The following LHFPL3 variants were observed in gnomAD, a reference collection of about 807,000 sequenced individuals.
LHFPL3 encodes the protein LHFPL tetraspan subfamily member 3, also known as LHFPL tetraspan subfamily member 3 protein.
LHFPL3 carries 5 observed loss-of-function variants against 19.3 expected under a neutral mutation model. The observed-to-expected ratio is 0.26, with a 90% CI of 0.14 to 0.54. The LOEUF (loss-of-function observed/expected upper bound fraction) is 0.54. Ranked by LOEUF, LHFPL3 falls within the 20% of genes least tolerant of loss-of-function variation. LHFPL3 has a pLI of 0.94. For synonymous variants in LHFPL3, 133 were observed against 126.2 expected (o/e 1.05, Z -0.36); for missense variants, 249 against 307.4 (o/e 0.81, Z 1.42).
chr7:104,906,294 A>G lies in LHFPL3; in HGVS notation c.*79A>G. ...CGAATAACAGCTTTTGTACATCAAC[A>G]TCAAGAAGGAATACGCCTGAGAGAG... On this transcript the variant is annotated 3_prime_UTR_variant, in exon 3 of 3. Coordinates refer to ENST00000424859, the MANE Select transcript of LHFPL3 (RefSeq NM_199000.3). The G allele has an allele frequency of 6.8e-7, 1 of 1,470,926 alleles. No individual in the cohort carries two copies. The highest frequency in any genetic ancestry group is 9.4e-7 in the Non-Finnish European group (1 of 1,069,012). 91.1% of individuals were successfully genotyped at this position (1,470,926 alleles called of 1,614,324 possible).
chr7:104,753,495 G>C (rs191120940), intron 2 of LHFPL3, among the ~76,000 whole-genome samples: 11 of 152,206 alleles, frequency 7.2e-5, no homozygotes, highest in African/African-American at 2.4e-4. Flanking sequence ...TTCAATATTT[G>C]AGAATAGAGG....
intron 1 of LHFPL3, among the ~76,000 whole-genome samples, chr7:104,478,637 A>G (rs1304954412): frequency 2.0e-5 from 3 of 152,148 alleles, no homozygotes; most frequent in African/African-American, 7.2e-5. Flanking sequence ...TCTTCTTTGA[A>G]TGATACAGTG....
chr7:104,450,715 A>C (rs941713514), intron 1 of LHFPL3, among the ~76,000 whole-genome samples: 2 of 152,212 alleles, frequency 1.3e-5, no homozygotes, highest in Non-Finnish European at 2.9e-5. Context: ...CAGAACTTAA[A>C]GTATAATAAA....
chr7:104,469,237 A>G (rs563192302), intron 1 of LHFPL3, among the ~76,000 whole-genome samples: 53 of 152,360 alleles, frequency 3.5e-4, no homozygotes, highest in African/African-American at 1.3e-3. Flanking sequence ...GAGGTCTAAA[A>G]GCTGACTTTT....
chr7:104,770,087 A>T (rs1794526161), intron 2 of LHFPL3, among the ~76,000 whole-genome samples: 1 of 152,184 alleles, frequency 6.6e-6, no homozygotes, highest in Non-Finnish European at 1.5e-5. Flanking sequence ...TTTAAGGCTC[A>T]GCCAGAAAGC....
intron 1 of LHFPL3, among the ~76,000 whole-genome samples, chr7:104,335,714 A>G (rs1056580523): frequency 6.6e-6 from 1 of 152,218 alleles, no homozygotes; most frequent in African/African-American, 2.4e-5. Context: ...AGAATGTGGT[A>G]TCAGAGGCTT....
intron 2 of LHFPL3, among the ~76,000 whole-genome samples, chr7:104,824,641 T>C (rs1240791379): frequency 1.1e-5 from 1 of 87,468 alleles, no homozygotes; most frequent in Non-Finnish European, 2.0e-5. Context: ...TATTATTTTA[T>C]ATATTATATA....
chr7:104,585,863 T>C (rs535826383), intron 1 of LHFPL3, among the ~76,000 whole-genome samples: 1 of 152,224 alleles, frequency 6.6e-6, no homozygotes, highest in South Asian at 2.1e-4. Context: ...AGGATTTCAT[T>C]TATCTTTTAA....
At chr7:104,698,587 T>C (rs4431535) in intron 1 of LHFPL3, among the ~76,000 whole-genome samples, 151,532 of 152,372 alleles carry the variant, frequency 0.99, 75,352 homozygotes, top group East Asian at 1. Flanking sequence ...GAGTTGAAAA[T>C]GTATGTCCAC....
chr7:104,339,377 A>G (rs574281291), intron 1 of LHFPL3, among the ~76,000 whole-genome samples: 3 of 152,370 alleles, frequency 2.0e-5, no homozygotes, highest in Non-Finnish European at 4.4e-5. Flanking sequence ...GCAGATGAAG[A>G]AATTGAGGCT....
chr7:104,889,895 T>A (rs937206283), intron 2 of LHFPL3, among the ~76,000 whole-genome samples: 2 of 152,236 alleles, frequency 1.3e-5, no homozygotes, highest in African/African-American at 4.8e-5. Context: ...TGCTATATTA[T>A]ACCATCTCAA....
At chr7:104,583,506 C>G (rs889997508) in intron 1 of LHFPL3, among the ~76,000 whole-genome samples, 1 of 152,078 alleles carries the variant, frequency 6.6e-6, no homozygotes, top group East Asian at 1.9e-4. Flanking sequence ...AAGAAAGTAC[C>G]ATCAGAGTAA....
chr7:104,870,012 G>A (rs1791801653), intron 2 of LHFPL3, among the ~76,000 whole-genome samples: 1 of 150,840 alleles, frequency 6.6e-6, no homozygotes, highest in Non-Finnish European at 1.5e-5. Flanking sequence ...AACGCCGCAT[G>A]TTCTCACTCA....
intron 1 of LHFPL3, among the ~76,000 whole-genome samples, chr7:104,451,487 G>A (rs945766516): frequency 1.3e-5 from 2 of 152,042 alleles, no homozygotes; most frequent in Non-Finnish European, 2.9e-5. Context: ...CTGCAATAGC[G>A]TTTTTTGGTT....
chr7:104,666,512 C>CTTTTTTTTT (rs71155514), intron 1 of LHFPL3, among the ~76,000 whole-genome samples: 952 of 42,222 alleles, frequency 0.023, 197 homozygotes, highest in Middle Eastern at 0.045. Flanking sequence ...GGATTTCATT[C>CTTTTTTTTT]TTTTTTTTTT....
intron 2 of LHFPL3, among the ~76,000 whole-genome samples, chr7:104,745,252 C>T (rs554704963): frequency 5.3e-5 from 8 of 152,216 alleles, no homozygotes; most frequent in Non-Finnish European, 8.8e-5. Context: ...GCCCCTTCCT[C>T]TTTCTCCTTC....
chr7:104,383,201 A>G (rs1019141403), intron 1 of LHFPL3, among the ~76,000 whole-genome samples: 2 of 152,112 alleles, frequency 1.3e-5, no homozygotes, highest in Admixed American at 1.3e-4. Context: ...TCCTCCTATG[A>G]ATTATGCATG....
intron 2 of LHFPL3, among the ~76,000 whole-genome samples, chr7:104,789,013 A>G (rs1406551611): frequency 3.3e-5 from 5 of 152,244 alleles, no homozygotes; most frequent in Admixed American, 6.5e-5. Context: ...GCTTCTTGGT[A>G]GAGCATCATT....
intron 1 of LHFPL3, among the ~76,000 whole-genome samples, chr7:104,330,021 A>G (rs1480531026): frequency 6.6e-6 from 1 of 152,186 alleles, no homozygotes; most frequent in Non-Finnish European, 1.5e-5. Context: ...ATCTCCGATC[A>G]CTCTTTCCCT....
Sources: gnomAD v4.1 joint callset for allele counts (sites outside exome capture counted in the v4.1 genomes callset) on GRCh38, gnomAD v4.1.1 for gene constraint, MANE v1.5 for transcripts, NCBI Gene and HGNC (gene_info 2026-07-23, HGNC 2026-07-21) for gene names.